Variants in TIMP2 observed in about 807,000 individuals in gnomAD.
TIMP2 encodes the protein TIMP metallopeptidase inhibitor 2.
TIMP2 carries 5 observed loss-of-function variants against 24.3 expected under a neutral mutation model. The observed-to-expected ratio is 0.21, with a 90% CI of 0.11 to 0.43. The LOEUF (loss-of-function observed/expected upper bound fraction) is 0.43. Among genes scored for constraint, TIMP2 ranks in the 20% least tolerant of loss-of-function variants. The pLI is 1.00. For missense variants in TIMP2, 221 were observed against 297.5 expected (o/e 0.74, Z 1.89); for synonymous variants, 130 against 123.2 (o/e 1.06, Z -0.37).
intron 1 of TIMP2, among the ~76,000 whole-genome samples, chr17:78,912,525 C>G (rs55805502): frequency 6.6e-6 from 1 of 152,244 alleles, no homozygotes; most frequent in Non-Finnish European, 1.5e-5. Context: ...GAAAGTCCAT[C>G]TTCCCTGCTC....
chr17:78,873,529 G>C (rs1481590238), intron 2 of TIMP2, among the ~76,000 whole-genome samples: 1 of 152,214 alleles, frequency 6.6e-6, no homozygotes, highest in Non-Finnish European at 1.5e-5. Flanking sequence ...CTGAGCTCAA[G>C]TGATCCGCCC....
intron 3 of TIMP2, among the ~76,000 whole-genome samples, chr17:78,858,940 A>G (rs2069546845): frequency 6.6e-6 from 1 of 152,146 alleles, no homozygotes; most frequent in Non-Finnish European, 1.5e-5. Flanking sequence ...TTGACTTCCC[A>G]AAGTGCTGGG....
chr17:78,858,210 C>A (rs1048991215), intron 3 of TIMP2, among the ~76,000 whole-genome samples: 1 of 152,008 alleles, frequency 6.6e-6, no homozygotes, highest in East Asian at 1.9e-4. Context: ...TGGGAGGCCG[C>A]GGCAGGTGGA....
chr17:78,892,068 T>C, intron 1 of TIMP2: 1 of 1,551,782 alleles, frequency 6.4e-7, no homozygotes, highest in Non-Finnish European at 8.7e-7. Context: ...TCATTTTCCC[T>C]GGCCCGTCCT....
At position 78,924,925 on chromosome 17, in the gene TIMP2, GC is replaced by G; in HGVS notation, c.130+33del. On this transcript the variant is annotated intron_variant, in intron 1 of 4. Transcript: ENST00000262768. This position sits in a 1 kb window ranked among gnomAD's most constrained non-coding sequence, Gnocchi z 5.3. ...CCCTCGGGGTCGCGGGGGAGGTGGG[GC>G]CCCGCGCGGGGGCTGGGGTCGCCGC... The G allele has an allele frequency of 1.7e-6, 2 of 1,195,432 alleles. No homozygotes were observed. Among genetic ancestry groups the G allele is most frequent in the Non-Finnish European group, 1.0e-6 (1 of 956,774 alleles). 74.1% of individuals were successfully genotyped at this position (1,195,432 alleles called of 1,614,324 possible).
At chr17:78,861,909 G>A (rs761876310) in intron 3 of TIMP2, among the ~76,000 whole-genome samples, 4 of 152,138 alleles carry the variant, frequency 2.6e-5, no homozygotes, top group African/African-American at 4.8e-5. Context: ...ACATGAACGT[G>A]GCTGTCATGT....
intron 3 of TIMP2, among the ~76,000 whole-genome samples, chr17:78,863,065 C>CA (rs2069580209): frequency 6.6e-6 from 1 of 152,194 alleles, no homozygotes; most frequent in South Asian, 2.1e-4. Context: ...TTTGGGTATA[C>CA]ACCCAGCAGT....
chr17:78,875,012 A>G (rs923821367), intron 1 of TIMP2, among the ~76,000 whole-genome samples: 2 of 152,164 alleles, frequency 1.3e-5, no homozygotes, highest in Admixed American at 1.3e-4. Context: ...AAGTGCTGGG[A>G]TTATAGGCAT....
chr17:78,880,782 A>G (rs1021533803), intron 1 of TIMP2, among the ~76,000 whole-genome samples: 1 of 152,214 alleles, frequency 6.6e-6, no homozygotes, highest in Non-Finnish European at 1.5e-5. Context: ...CAGGGGCCCA[A>G]CTGCTCGCTG....
chr17:78,879,210 GAGA>G (rs1467027585), intron 1 of TIMP2, among the ~76,000 whole-genome samples: 1 of 152,242 alleles, frequency 6.6e-6, no homozygotes, highest in Admixed American at 6.5e-5. Context: ...TAGGAACACA[GAGA>G]AGGAGAGTTT....
intron 1 of TIMP2, among the ~76,000 whole-genome samples, chr17:78,914,929 C>A (rs987676770): frequency 7.1e-6 from 1 of 140,396 alleles, no homozygotes; most frequent in Non-Finnish European, 1.5e-5. Flanking sequence ...CGGAGTCTTG[C>A]TCTGTTGCCC....
rs1254816045 is a variant in TIMP2, at chr17:78,891,938, G to C, written c.131-18019C>G. 1.3e-6 allele frequency: 2 copies of C among 1,550,558 alleles called. No individual in the cohort carries two copies. Among genetic ancestry groups the C allele is most frequent in the East Asian group, 4.9e-5 (2 of 40,914 alleles). On this transcript the variant is annotated intron_variant, in intron 1 of 4. Transcript: ENST00000262768. The surrounding 1 kb of genome is among the most constrained non-coding windows in gnomAD (Gnocchi z 4.5). ...TGTCTTCCGGGGCCTGGAGTGCCTG[G>C]GGTGTTGCTGGCCCAACTCTTCCCT...
At chr17:78,895,262 CAG>C (rs749999842) in intron 1 of TIMP2, among the ~76,000 whole-genome samples, 3 of 152,098 alleles carry the variant, frequency 2.0e-5, no homozygotes, top group African/African-American at 7.2e-5. Context: ...GCCTGGATGA[CAG>C]AGTGAGATTC....
intron 1 of TIMP2, among the ~76,000 whole-genome samples, chr17:78,907,638 T>C (rs2070172478): frequency 6.6e-6 from 1 of 152,042 alleles, no homozygotes; most frequent in Admixed American, 6.6e-5. Context: ...ACACATGAAG[T>C]GAACACGTGA....
chr17:78,878,609 T>C (rs1299536206), intron 1 of TIMP2, among the ~76,000 whole-genome samples: 1 of 152,162 alleles, frequency 6.6e-6, no homozygotes, highest in Non-Finnish European at 1.5e-5. Context: ...CACACTTTCC[T>C]TCTTTAAAGT....
chr17:78,893,821 C>T (rs1419810148), intron 1 of TIMP2, among the ~76,000 whole-genome samples: 1 of 152,082 alleles, frequency 6.6e-6, no homozygotes, highest in East Asian at 1.9e-4. Context: ...GGAAGGGACC[C>T]ATGCTTTGGC....
Position 78,855,706 on chromosome 17 carries a change from C to T in TIMP2, c.624G>A (p.Ala208=), listed in dbSNP as rs778309949. 11 of 1,613,884 alleles carry T rather than the reference C, an allele frequency of 6.8e-6. No homozygotes were observed. The highest frequency in any genetic ancestry group is 2.7e-5 in the African/African-American group (2 of 74,908). The change falls in exon 5 of 5, where the codon GCG becomes GCA. Residue 208 remains alanine, a synonymous_variant. Transcript: ENST00000262768. The surrounding 1 kb of genome is among the most constrained non-coding windows in gnomAD (Gnocchi z 6.0). ...DGSCAWYRGA[A]PPKQEFLDIE... is the part of the protein sequence containing the mutation. The stretch of plus-strand genomic sequence containing the variant: ...TGTCGAGAAACTCCTGCTTGGGGGG[C>T]GCCGCGCCGCGGTACCACGCACAGG...
intron 3 of TIMP2, among the ~76,000 whole-genome samples, chr17:78,866,791 G>T (rs191858688): frequency 2.0e-5 from 3 of 152,110 alleles, no homozygotes; most frequent in African/African-American, 4.8e-5. Flanking sequence ...AGGGTCACAC[G>T]TATGATTCCG....
At chr17:78,883,138 C>T (rs1323338736) in intron 1 of TIMP2, among the ~76,000 whole-genome samples, 1 of 152,204 alleles carries the variant, frequency 6.6e-6, no homozygotes, top group African/African-American at 2.4e-5. Flanking sequence ...GTCCTCCAAC[C>T]TCCTCGGCCC....
Sources: allele counts gnomAD v4.1 joint callset (sites outside exome capture counted in the v4.1 genomes callset), GRCh38; gene constraint gnomAD v4.1.1; non-coding constraint Gnocchi (gnomAD v3.1); transcripts MANE v1.5; gene names NCBI Gene and HGNC (gene_info 2026-07-23, HGNC 2026-07-21).